Variants in CYTH1 observed in about 807,000 individuals in gnomAD.
The protein encoded by CYTH1 is cytohesin 1.
CYTH1 carries 18 observed loss-of-function variants against 61.8 expected under a neutral mutation model. The ratio of observed to expected loss-of-function variants is 0.29; its 90% CI spans 0.20 to 0.43. The LOEUF (loss-of-function observed/expected upper bound fraction) is 0.43. Ranked by LOEUF, CYTH1 falls within the 20% of genes least tolerant of loss-of-function variation. The pLI, the probability that CYTH1 is intolerant of heterozygous loss-of-function variation, is 1.00. For synonymous variants in CYTH1, 174 were observed against 184.3 expected (o/e 0.94, Z 0.45); for missense variants, 336 against 510.5 (o/e 0.66, Z 3.29).
chr17:78,704,573 T>C (rs2144343879), intron 3 of CYTH1, among the ~76,000 whole-genome samples: 1 of 152,294 alleles, frequency 6.6e-6, no homozygotes, highest in Non-Finnish European at 1.5e-5. Context: ...CAGGCTGGAG[T>C]ACAGTGGTGT....
chr17:78,742,125 C>T (rs938475309), intron 1 of CYTH1, among the ~76,000 whole-genome samples: 13 of 152,234 alleles, frequency 8.5e-5, no homozygotes, highest in African/African-American at 2.9e-4. Flanking sequence ...CCTTTGCCTC[C>T]TCAGCTCCTA....
At chr17:78,692,990 T>C (rs532529188) in intron 10 of CYTH1, among the ~76,000 whole-genome samples, 1 of 152,216 alleles carries the variant, frequency 6.6e-6, no homozygotes, top group East Asian at 1.9e-4. Flanking sequence ...ATCCACACTT[T>C]CCCTGGAACA....
chr17:78,741,102 A>G (rs1261673480), intron 1 of CYTH1, among the ~76,000 whole-genome samples: 1 of 152,228 alleles, frequency 6.6e-6, no homozygotes, highest in African/African-American at 2.4e-5. Flanking sequence ...AAAAGCACAC[A>G]TTAGGCCATT....
chr17:78,756,076 T>TA (rs1433557631), intron 1 of CYTH1, among the ~76,000 whole-genome samples: 47 of 111,646 alleles, frequency 4.2e-4, no homozygotes, highest in East Asian at 2.4e-3. Context: ...TTTATTTATT[T>TA]TTATTTTTTT....
chr17:78,769,075 G>A (rs2093460391), intron 1 of CYTH1, among the ~76,000 whole-genome samples: 1 of 151,984 alleles, frequency 6.6e-6, no homozygotes, highest in African/African-American at 2.4e-5. Flanking sequence ...GAACCCAGGA[G>A]GCAGAAGTTG....
Position 78,675,933 on chromosome 17 carries a change from C to T in CYTH1, c.*158G>A, listed in dbSNP as rs761203880. 26 of 1,546,384 alleles carry T rather than the reference C, an allele frequency of 1.7e-5. No homozygotes were observed. The South Asian group carries it at 3.0e-4, about 18-fold the overall frequency. On this transcript the variant is annotated 3_prime_UTR_variant, in exon 14 of 14. Transcript: ENST00000446868. ...CCCAGTGATAACTGCCCACCCTTCT[C>T]CCACTTAAAAAAAATAGCAAAAGCT...
chr17:78,779,922 G>A (rs1251442215), intron 1 of CYTH1, among the ~76,000 whole-genome samples: 7 of 152,204 alleles, frequency 4.6e-5, no homozygotes, highest in African/African-American at 1.4e-4. Flanking sequence ...AAACTAACAC[G>A]CCCTGCTTCC....
intron 10 of CYTH1, 117 bp from the exon 11 acceptor site, chr17:78,692,610 C>T (rs142053234): frequency 5.8e-6 from 5 of 854,706 alleles, no homozygotes; most frequent in East Asian, 2.5e-5. Flanking sequence ...ATCAGGAGAA[C>T]GTGGAGCCCA....
At chr17:78,681,403 ACTCCAGGAAGC>A (rs2092761058) in intron 11 of CYTH1, among the ~76,000 whole-genome samples, 1 of 151,970 alleles carries the variant, frequency 6.6e-6, no homozygotes, top group East Asian at 1.9e-4. Context: ...TGGGGCAACA[ACTCCAGGAAGC>A]CTTTCCTAGT....
chr17:78,776,282 G>A (rs879699948), intron 1 of CYTH1, among the ~76,000 whole-genome samples: 2 of 152,084 alleles, frequency 1.3e-5, no homozygotes, highest in Non-Finnish European at 2.9e-5. Flanking sequence ...GGAAAATCCC[G>A]CAAATACTCC....
chr17:78,710,761 G>A (rs1053031056), intron 1 of CYTH1, among the ~76,000 whole-genome samples: 18 of 152,190 alleles, frequency 1.2e-4, no homozygotes, highest in African/African-American at 4.3e-4. Flanking sequence ...CTGAGCAGAA[G>A]CTCAGAAGTG....
At chr17:78,777,830 C>CA (rs201636454) in intron 1 of CYTH1, among the ~76,000 whole-genome samples, 1,656 of 71,858 alleles carry the variant, frequency 0.023, 20 homozygotes, top group East Asian at 0.12. Flanking sequence ...ATTAAAAATA[C>CA]AAAAAAAAAA....
At chr17:78,679,647 TAGG>T (rs1370564450) in intron 13 of CYTH1, among the ~76,000 whole-genome samples, 2 of 151,944 alleles carry the variant, frequency 1.3e-5, no homozygotes, top group African/African-American at 2.4e-5. Context: ...AGCCGAGAGG[TAGG>T]AGTCAGAGGC....
chr17:78,781,181 A>G (rs528520722), intron 1 of CYTH1, among the ~76,000 whole-genome samples: 9 of 150,738 alleles, frequency 6.0e-5, no homozygotes, highest in South Asian at 2.1e-4. Context: ...AAAAAAAAAA[A>G]AAAAAGAAAA....
intron 1 of CYTH1, chr17:78,736,607 T>C (rs1217741642): frequency 4.4e-6 from 1 of 228,308 alleles, no homozygotes. Flanking sequence ...GGATTTCACA[T>C]ACTAATGAAA....
At chr17:78,742,712 G>C (rs1296507478) in intron 1 of CYTH1, among the ~76,000 whole-genome samples, 1 of 152,120 alleles carries the variant, frequency 6.6e-6, no homozygotes, top group East Asian at 1.9e-4. Context: ...CGTTAGCTGG[G>C]CGTGGTGGTG....
At chr17:78,677,473 G>A (rs913236786) in intron 13 of CYTH1, 34 of 192,234 alleles carry the variant, frequency 1.8e-4, no homozygotes, top group African/African-American at 6.6e-4. Context: ...CACCTCCCTG[G>A]GTTCCGGAGA....
intron 1 of CYTH1, among the ~76,000 whole-genome samples, chr17:78,711,741 C>G (rs1372257281): frequency 6.7e-6 from 1 of 150,194 alleles, no homozygotes; most frequent in South Asian, 2.1e-4. Context: ...TTTCCCCAAC[C>G]TTCTCTAAAA....
At chr17:78,736,576 G>C (rs775250268) in intron 1 of CYTH1, 3 of 214,452 alleles carry the variant, frequency 1.4e-5, no homozygotes, top group African/African-American at 2.4e-5. Context: ...TCCCCAAAAG[G>C]CTCAGTAAAC....
Sources: allele counts gnomAD v4.1 joint callset (sites outside exome capture counted in the v4.1 genomes callset), GRCh38; gene constraint gnomAD v4.1.1; transcripts MANE v1.5; gene names NCBI Gene and HGNC (gene_info 2026-07-23, HGNC 2026-07-21).